SMG1: variants seen among roughly 807,000 people sequenced by gnomAD.
SMG1 encodes SMG1 nonsense mediated mRNA decay associated PI3K related kinase.
Under a neutral mutation model 419.9 loss-of-function variants are expected in SMG1, and 22 were observed. The ratio of observed to expected loss-of-function variants is 0.05; its 90% CI spans 0.04 to 0.07. The LOEUF is 0.07. Ranked by LOEUF, SMG1 falls within the 10% of genes least tolerant of loss-of-function variation. SMG1 has a pLI of 1.00. For synonymous variants in SMG1, 1,538 were observed against 1,553.5 expected (o/e 0.99, Z 0.23); for missense variants, 3,185 against 4,342.0 (o/e 0.73, Z 7.49).
Position 18,868,589 on chromosome 16 carries a change from T to C in SMG1, c.2964A>G (p.Glu988=), listed in dbSNP as rs1567396700. Reference sequence around the variant, plus strand: ...CATTATACATTAATTTCTCCAGATTTTCCAGATACTGCAGAAGAAGAACAA... The same window carrying C: ...CATTATACATTAATTTCTCCAGATTCTCCAGATACTGCAGAAGAAGAACAA... The part of the protein sequence containing the change: ...LRLVLLLQYL[E]NLEKLMYNAY... Residue 988 remains glutamate (E), a synonymous_variant, in exon 21 of 63, where the codon GAA becomes GAG. Transcript: ENST00000446231. The C allele has an allele frequency of 6.3e-7, 1 of 1,595,690 alleles. No individual in the cohort carries two copies. The highest frequency in any genetic ancestry group is 1.7e-5 in the Admixed American group (1 of 59,984).
In SMG1 at chr16:18,863,631, T is replaced by C; in HGVS notation, c.3695+19A>G. ...AGTTATTGGAAATTTGTTTTATAAC[T>C]GGAAAAAGTAAGCCTTACTTTATAT... On this transcript the variant is annotated intron_variant, in intron 25 of 62. Coordinates refer to ENST00000446231, the MANE Select transcript of SMG1 (RefSeq NM_015092.5). The C allele has an allele frequency of 6.3e-7, 1 of 1,590,512 alleles. No homozygotes were observed. Among genetic ancestry groups the C allele is most frequent in the Non-Finnish European group, 8.5e-7 (1 of 1,174,446 alleles).
chr16:18,913,532 G>A (rs1215204187), intron 1 of SMG1, among the ~76,000 whole-genome samples: 1 of 151,880 alleles, frequency 6.6e-6, no homozygotes, highest in Non-Finnish European at 1.5e-5. Flanking sequence ...ATCAAATGTG[G>A]ACGAAAAGCT....
intron 6 of SMG1, 52 bp downstream of exon 6, chr16:18,889,316 TTAAG>T: frequency 2.1e-6 from 1 of 474,328 alleles, no homozygotes; most frequent in South Asian, 2.0e-5. Flanking sequence ...AGGACATGTG[TTAAG>T]GGACAATTTT....
intron 11 of SMG1, chr16:18,878,606 CA>C (rs35169039): frequency 0.27 from 26,397 of 98,454 alleles, 2,353 homozygotes; most frequent in Middle Eastern, 0.35. Flanking sequence ...GATCCTGTGA[CA>C]AAAAAAAAAA....
At chr16:18,814,391 C>G (rs1047142913) in intron 60 of SMG1, among the ~76,000 whole-genome samples, 1 of 150,720 alleles carries the variant, frequency 6.6e-6, no homozygotes, top group Non-Finnish European at 1.5e-5. Context: ...CCAAGCTACT[C>G]AGGAAGCTGA....
At chr16:18,844,006 TATAC>T (rs2034079981) in intron 39 of SMG1, among the ~76,000 whole-genome samples, 1 of 121,684 alleles carries the variant, frequency 8.2e-6, no homozygotes, top group Non-Finnish European at 1.9e-5. Context: ...TTTCTATGAT[TATAC>T]ACACACACAC....
At chr16:18,833,261 T>A in intron 50 of SMG1, 95 bp from the exon 51 acceptor site, 1 of 795,484 alleles carries the variant, frequency 1.3e-6, no homozygotes, top group Non-Finnish European at 2.0e-6. Flanking sequence ...AGCAAACTTA[T>A]GTAACTATGC....
intron 9 of SMG1, among the ~76,000 whole-genome samples, chr16:18,883,812 G>A (rs1407226003): frequency 2.6e-5 from 4 of 151,786 alleles, no homozygotes; most frequent in Non-Finnish European, 4.4e-5. Flanking sequence ...CCAGCTACTC[G>A]GGAGGCTGAG....
chr16:18,847,715 C>T, intron 37 of SMG1, 101 bp downstream of exon 37: 1 of 1,570,474 alleles, frequency 6.4e-7, no homozygotes, highest in Non-Finnish European at 8.7e-7. Context: ...GCTCATTATA[C>T]AATTGGAGAA....
intron 50 of SMG1, among the ~76,000 whole-genome samples, chr16:18,833,729 AATCTCTC>A (rs1349262356): frequency 6.6e-6 from 1 of 152,198 alleles, no homozygotes; most frequent in Non-Finnish European, 1.5e-5. Flanking sequence ...CTGACTTCTT[AATCTCTC>A]TCACTCACAC....
chr16:18,921,855 G>A (rs991700469), intron 1 of SMG1, among the ~76,000 whole-genome samples: 4 of 152,058 alleles, frequency 2.6e-5, no homozygotes, highest in African/African-American at 9.7e-5. Flanking sequence ...GTGTACTTTT[G>A]AATACTTTAA....
chr16:18,859,593 G>A lies in SMG1; in HGVS notation c.3916C>T (p.Pro1306Ser), dbSNP rs1261899709. The change falls in exon 27 of 63, where the codon CCG becomes TCG. Residue 1306 changes from proline to serine, a missense_variant. Physicochemically the swap from Pro to Ser is moderately conservative, Grantham distance 74. This residue lies in a region of SMG1 where 120 missense variants were observed against 193.3 expected (regional missense o/e 0.62). Transcript: ENST00000446231. ...SSVCLATALN[P>S]IEQDQKWQSI... ...TGCCACTTCTGATCTTGTTCTATCGGGTTTAAAGCAGTTGCCAAACAAACA... is the reference window on the plus strand; with the variant it reads ...TGCCACTTCTGATCTTGTTCTATCGAGTTTAAAGCAGTTGCCAAACAAACA... 5.0e-6 allele frequency: 8 copies of A among 1,595,966 alleles called. No homozygotes were observed. The highest frequency in any genetic ancestry group is 6.9e-6 in the Non-Finnish European group (8 of 1,165,182).
intron 25 of SMG1, among the ~76,000 whole-genome samples, chr16:18,862,073 A>T (rs1240081423): frequency 6.6e-6 from 1 of 151,798 alleles, no homozygotes; most frequent in Non-Finnish European, 1.5e-5. Flanking sequence ...TTCAAGAAAA[A>T]CTCACTGACC....
intron 1 of SMG1, among the ~76,000 whole-genome samples, chr16:18,924,201 C>T (rs1291785630): frequency 6.6e-6 from 1 of 152,138 alleles, no homozygotes; most frequent in East Asian, 1.9e-4. Flanking sequence ...AGAAATAAAG[C>T]ACTTGAAAGA....
rs2031935003 is a variant in SMG1 at position 18,815,666 on chromosome 16, T to G, written c.10303-15A>C. 3 of 1,604,180 alleles carry G rather than the reference T, an allele frequency of 1.9e-6. No individual in the cohort carries two copies. The highest frequency in any genetic ancestry group is 3.3e-4 in the Middle Eastern group (2 of 6,054). ...GCTTCTTCATCCTAGAATTGATAAATTAATGATTAAGAAAAATAGTTTTAG... is the reference window on the plus strand; with the variant it reads ...GCTTCTTCATCCTAGAATTGATAAAGTAATGATTAAGAAAAATAGTTTTAG... On this transcript the variant is annotated splice_polypyrimidine_tract_variant and intron_variant, in intron 58 of 62. Coordinates refer to ENST00000446231, the MANE Select transcript of SMG1 (RefSeq NM_015092.5).
At chr16:18,820,337 G>A (rs1244105116) in intron 55 of SMG1, among the ~76,000 whole-genome samples, 4 of 151,770 alleles carry the variant, frequency 2.6e-5, no homozygotes, top group Non-Finnish European at 5.9e-5. Flanking sequence ...AAAGAAGCTG[G>A]GACAAGAGGT....
In SMG1 at chr16:18,863,801, C is replaced by T. The variant is rs763690262; in HGVS notation, c.3544G>A (p.Val1182Ile). The part of the protein sequence containing the change: ...LSKPTDSSPE[V>I]INYLGNKACE... ...GCTTTATTTCCTAAATAATTTATAA[C>T]CTCAGGGGAAGAGTCAGTCGGTTTG... Residue 1182 changes from valine to isoleucine, a missense_variant, in exon 25 of 63, where the codon GTT (valine) becomes ATT (isoleucine). Val to Ile is a conservative substitution (Grantham distance 29). This residue lies in a region of SMG1 where 121 missense variants were observed against 125.4 expected (regional missense o/e 0.96). Coordinates refer to ENST00000446231, the MANE Select transcript of SMG1 (RefSeq NM_015092.5). The T allele has an allele frequency of 5.7e-6, 9 of 1,589,244 alleles. No individual in the cohort carries two copies. The African/African-American group carries it at 9.4e-5, about 17-fold the overall frequency.
Position 18,838,387 on chromosome 16 carries a change from T to A in SMG1, c.7164A>T (p.Val2388=). Residue 2388 remains valine, a synonymous_variant, in exon 44 of 63, where the codon GTA becomes GTT. Coordinates refer to ENST00000446231, the MANE Select transcript of SMG1 (RefSeq NM_015092.5). ...NIETALGVTG[V]EGVFRLSCEQ... ...CACATGAAAGCCTAAATACACCTTC[T>A]ACTCCAGTTACACCCAGTGCTGTTT... 2 of 1,612,460 alleles carry A rather than the reference T, an allele frequency of 1.2e-6. No individual in the cohort carries two copies. The highest frequency in any genetic ancestry group is 1.7e-5 in the Admixed American group (1 of 59,646).
intron 40 of SMG1, 21 bp from the exon 41 acceptor site, chr16:18,841,815 T>G (rs1226905323): frequency 6.3e-7 from 1 of 1,595,046 alleles, no homozygotes; most frequent in African/African-American, 1.3e-5. Flanking sequence ...AAAATTAAAA[T>G]AGCTAGGATA....
Sources: gnomAD v4.1 joint callset for allele counts (sites outside exome capture counted in the v4.1 genomes callset) on GRCh38, gnomAD v4.1.1 for gene constraint, gnomAD v4.1.1 regional missense constraint, MANE v1.5 for transcripts, NCBI Gene and HGNC (gene_info 2026-07-23, HGNC 2026-07-21) for gene names.